VWC2: variants seen among roughly 807,000 people sequenced by gnomAD.
VWC2 encodes von Willebrand factor C domain containing 2.
Under a neutral mutation model 29.8 loss-of-function variants are expected in VWC2, and 14 were observed. The observed-to-expected ratio is 0.47, with a 90% CI of 0.31 to 0.74. VWC2 has a LOEUF of 0.74. VWC2 is among the 30% of genes least tolerant of loss of function. VWC2 has a pLI of 0.05. For missense variants in VWC2, 457 were observed against 459.8 expected, an observed-to-expected ratio of 0.99 and a Z score of 0.05; for synonymous variants, 213 against 199.0, an observed-to-expected ratio of 1.07 and a Z score of -0.59.
intron 3 of VWC2, among the ~76,000 whole-genome samples, chr7:49,832,899 T>C (rs1789569844): frequency 6.6e-6 from 1 of 152,246 alleles, no homozygotes; most frequent in African/African-American, 2.4e-5. Flanking sequence ...GTTAAAAGTA[T>C]GGATCAGAAA....
intron 3 of VWC2, among the ~76,000 whole-genome samples, chr7:49,867,845 A>T (rs6972877): frequency 0.57 from 72,084 of 127,010 alleles, 17,677 homozygotes; most frequent in Middle Eastern, 0.64. Flanking sequence ...ATTTTATTTT[A>T]TTTTTTGAGG....
At chr7:49,803,857 C>G (rs17133503) in intron 3 of VWC2, among the ~76,000 whole-genome samples, 13,070 of 152,098 alleles carry the variant, frequency 0.086, 657 homozygotes, top group Non-Finnish European at 0.1. Flanking sequence ...CGACCACGTA[C>G]CTGTACATAT....
intron 3 of VWC2, among the ~76,000 whole-genome samples, chr7:49,867,629 C>T (rs1047303948): frequency 1.3e-5 from 2 of 152,148 alleles, no homozygotes; most frequent in Non-Finnish European, 2.9e-5. Context: ...CTGAGGCATT[C>T]ACCCTCCTGA....
intron 3 of VWC2, among the ~76,000 whole-genome samples, chr7:49,833,738 C>A (rs972118760): frequency 6.6e-6 from 1 of 152,136 alleles, no homozygotes; most frequent in Admixed American, 6.5e-5. Context: ...AGGGAATCAA[C>A]CCTGTCCAGT....
chr7:49,789,874 A>C (rs541712090), intron 2 of VWC2, among the ~76,000 whole-genome samples: 1 of 152,344 alleles, frequency 6.6e-6, no homozygotes, highest in East Asian at 1.9e-4. Flanking sequence ...CCAGGTGGGA[A>C]GTGAGAAGCC....
Position 49,912,159 on chromosome 7 carries a change from A to T in VWC2, c.952A>T (p.Thr318Ser), listed in dbSNP as rs1562770954. ...GAGAATCGAGCGGCAGGCCATGTGC[A>T]CGAGACATGAATGCAGGCAAATGTA... is the stretch of plus-strand genomic sequence containing the variant. ...TWRIERQAMC[T>S]RHECRQM The change falls in exon 4 of 4, where the codon ACG becomes TCG. Residue 318 changes from threonine to serine, a missense_variant. By Grantham distance (58) the Thr-to-Ser change is moderately conservative. Coordinates refer to ENST00000340652, the MANE Select transcript of VWC2 (RefSeq NM_198570.5). 6.2e-7 allele frequency: 1 copy of T among 1,614,076 alleles called. No individual in the cohort carries two copies. The highest frequency in any genetic ancestry group is 8.5e-7 in the Non-Finnish European group (1 of 1,179,976).
At chr7:49,811,400 G>A (rs1313267179) in intron 3 of VWC2, among the ~76,000 whole-genome samples, 1 of 152,148 alleles carries the variant, frequency 6.6e-6, no homozygotes, top group East Asian at 1.9e-4. Flanking sequence ...GTTCCCATGA[G>A]AGCTGATGGT....
intron 3 of VWC2, among the ~76,000 whole-genome samples, chr7:49,806,130 A>G (rs908420481): frequency 6.7e-6 from 1 of 148,792 alleles, no homozygotes; most frequent in African/African-American, 2.5e-5. Context: ...AGTGAGTGTT[A>G]TTTGACTTTC....
At chr7:49,805,354 A>G (rs1382255470) in intron 3 of VWC2, among the ~76,000 whole-genome samples, 1 of 152,228 alleles carries the variant, frequency 6.6e-6, no homozygotes, top group Admixed American at 6.5e-5. Context: ...GATTTATATT[A>G]CAGAAAGACT....
intron 3 of VWC2, among the ~76,000 whole-genome samples, chr7:49,820,947 G>A (rs1029266809): frequency 6.6e-6 from 1 of 152,208 alleles, no homozygotes; most frequent in Non-Finnish European, 1.5e-5. Flanking sequence ...GGTCAGGTAA[G>A]AGCTGTCCTT....
intron 3 of VWC2, among the ~76,000 whole-genome samples, chr7:49,872,915 C>CAAAAAAAAAAAAAAAAA (rs61473396): frequency 2.4e-4 from 8 of 33,956 alleles, no homozygotes; most frequent in African/African-American, 4.1e-4. Flanking sequence ...GACTTTGTCT[C>CAAAAAAAAAAAAAAAAA]AAAAAAAAAA....
intron 3 of VWC2, among the ~76,000 whole-genome samples, chr7:49,825,425 T>C (rs1789370892): frequency 6.6e-6 from 1 of 152,192 alleles, no homozygotes; most frequent in South Asian, 2.1e-4. Flanking sequence ...CTGGGTTCTG[T>C]TGTTGTTTCT....
chr7:49,821,316 T>A (rs1789256793), intron 3 of VWC2, among the ~76,000 whole-genome samples: 1 of 152,216 alleles, frequency 6.6e-6, no homozygotes, highest in Non-Finnish European at 1.5e-5. Context: ...CATCAGCTTC[T>A]AGTTCAAAAG....
At chr7:49,808,202 T>A (rs1788920763) in intron 3 of VWC2, among the ~76,000 whole-genome samples, 1 of 152,160 alleles carries the variant, frequency 6.6e-6, no homozygotes, top group Admixed American at 6.5e-5. Flanking sequence ...ATTTTGTTAT[T>A]CCTAGAACAA....
Position 49,920,555 on chromosome 7 carries a change from G to A in VWC2, c.*8370G>A, listed in dbSNP as rs1793972679. Reference sequence around the variant, plus strand: ...TAAGTCCACGGAAAGCTGGACCTAAGCAGTGAAGGATGTAAGGGAACAGAG... The same window carrying A: ...TAAGTCCACGGAAAGCTGGACCTAAACAGTGAAGGATGTAAGGGAACAGAG... On this transcript the variant is annotated 3_prime_UTR_variant, in exon 4 of 4. Transcript: ENST00000340652. The A allele has an allele frequency of 6.6e-6, 1 of 152,206 alleles. No homozygotes were observed. The highest frequency in any genetic ancestry group is 2.1e-4 in the South Asian group (1 of 4,830). The allele number at this position is 152,206 out of a possible 1,614,324, so 9.4% of individuals were successfully genotyped here.
At chr7:49,898,397 A>G (rs746770688) in intron 3 of VWC2, among the ~76,000 whole-genome samples, 8 of 151,944 alleles carry the variant, frequency 5.3e-5, no homozygotes, top group Non-Finnish European at 5.9e-5. Flanking sequence ...TTACCCATAC[A>G]ATTTTCTTTC....
chr7:49,848,326 C>T (rs1790038758), intron 3 of VWC2, among the ~76,000 whole-genome samples: 1 of 152,232 alleles, frequency 6.6e-6, no homozygotes, highest in Non-Finnish European at 1.5e-5. Context: ...GATCTTCTCT[C>T]TCCTGTGGGG....
intron 3 of VWC2, among the ~76,000 whole-genome samples, chr7:49,893,547 T>C (rs901374627): frequency 1.3e-5 from 2 of 152,192 alleles, no homozygotes; most frequent in African/African-American, 2.4e-5. Flanking sequence ...AAAACACACA[T>C]GTCCACATGA....
intron 3 of VWC2, among the ~76,000 whole-genome samples, chr7:49,895,731 G>GCAT (rs74541676): frequency 0.76 from 115,955 of 151,608 alleles, 44,512 homozygotes; most frequent in East Asian, 0.89. Context: ...TTTTCTGCCT[G>GCAT]CATATTTCTT....
Sources: allele counts gnomAD v4.1 joint callset (sites outside exome capture counted in the v4.1 genomes callset), GRCh38; gene constraint gnomAD v4.1.1; transcripts MANE v1.5; gene names NCBI Gene and HGNC (gene_info 2026-07-23, HGNC 2026-07-21).